PASD1: variants seen among roughly 807,000 people sequenced by gnomAD.
PASD1 encodes circadian clock protein PASD1.
Under a neutral mutation model 58.8 loss-of-function variants are expected in PASD1, and 13 were observed. That is an observed-to-expected ratio of 0.22 (90% CI 0.14 to 0.35). The LOEUF (loss-of-function observed/expected upper bound fraction) is 0.35. PASD1 is among the 10% of genes least tolerant of loss of function. The pLI is 1.00. For missense variants in PASD1, 734 were observed against 568.3 expected, an observed-to-expected ratio of 1.29 and a Z score of -2.96; for synonymous variants, 236 against 216.7, an observed-to-expected ratio of 1.09 and a Z score of -0.78.
intron 1 of PASD1, among the ~76,000 whole-genome samples, chrX:151,571,532 T>C (rs2012927869): frequency 8.9e-6 from 1 of 111,903 alleles, no homozygotes; most frequent in Non-Finnish European, 1.9e-5. Flanking sequence ...ATTTCAAATA[T>C]TCTCTGTGAA....
chrX:151,575,176 A>G (rs544797358), intron 1 of PASD1, among the ~76,000 whole-genome samples: 4 of 101,468 alleles, frequency 3.9e-5, no homozygotes, highest in South Asian at 9.2e-4. Flanking sequence ...AAGACATTTG[A>G]CTTCGTGCAA....
chrX:151,617,331 C>G (rs185126886), intron 4 of PASD1, among the ~76,000 whole-genome samples: 2 of 111,366 alleles, frequency 1.8e-5, no homozygotes, highest in Non-Finnish European at 3.8e-5. Flanking sequence ...AATTATAAGG[C>G]TTATTGTCAC....
chrX:151,657,367 G>T (rs1485724837), intron 9 of PASD1, among the ~76,000 whole-genome samples: 1 of 111,640 alleles, frequency 9.0e-6, no homozygotes, highest in Non-Finnish European at 1.9e-5. Flanking sequence ...GATGATGCTG[G>T]GCTCATAAAA....
Position 151,671,760 on chromosome X carries a change from C to T in PASD1, c.1418C>T (p.Pro473Leu), listed in dbSNP as rs1016572848. 1.3e-5 allele frequency: 16 copies of T among 1,206,142 alleles called. No homozygotes were observed. Among genetic ancestry groups the T allele is most frequent in the Non-Finnish European group, 1.7e-5 (15 of 890,284 alleles). Residue 473 changes from proline to leucine, a missense_variant, in exon 13 of 16, where the codon CCT becomes CTT. By Grantham distance (98) the Pro-to-Leu change is moderately conservative. Coordinates refer to ENST00000370357, the MANE Select transcript of PASD1 (RefSeq NM_173493.3). ...SLKNTGELQE[P>L]CVAFNQQQLV... is the part of the protein sequence containing the mutation. The stretch of plus-strand genomic sequence containing the variant: ...AAAAACACTGGGGAGCTTCAGGAGC[C>T]TTGTGTTGCCTTCAACCAGGTATGG...
chrX:151,672,201 G>C lies in PASD1; in HGVS notation c.1456G>C (p.Glu486Gln). 8.6e-7 allele frequency: 1 copy of C among 1,157,318 alleles called. No homozygotes were observed. Among genetic ancestry groups the C allele is most frequent in the African/African-American group, 1.8e-5 (1 of 55,413 alleles). The change falls in exon 14 of 16, where the codon GAA (glutamate) becomes CAA (glutamine). Residue 486 changes from glutamate to glutamine, a missense_variant. Physicochemically the swap from Glu to Gln is conservative, Grantham distance 29. Coordinates refer to ENST00000370357, the MANE Select transcript of PASD1 (RefSeq NM_173493.3). ...GATGCAGCAGCAACTGGTGCAGCAA[G>C]AACAACACCTGAAGGAGCAGCAGCG... ...AFNQQQLVQQ[E>Q]QHLKEQQRQL...
chrX:151,608,639 G>A (rs768012681), intron 3 of PASD1, among the ~76,000 whole-genome samples: 10 of 111,103 alleles, frequency 9.0e-5, no homozygotes, highest in Non-Finnish European at 1.7e-4. Flanking sequence ...AAGCTTTAAC[G>A]TTTTATCTAT....
chrX:151,638,505 G>C (rs775553606), intron 8 of PASD1, among the ~76,000 whole-genome samples: 211 of 110,248 alleles, frequency 1.9e-3, no homozygotes, highest in Non-Finnish European at 3.4e-3. Flanking sequence ...ATCAGGCATG[G>C]TTCAGAGTAT....
At chrX:151,667,686 G>C (rs1199071166) in intron 11 of PASD1, among the ~76,000 whole-genome samples, 1 of 111,748 alleles carries the variant, frequency 8.9e-6, no homozygotes, top group Non-Finnish European at 1.9e-5. Context: ...AGATAAGATG[G>C]TTGTAGATAT....
At chrX:151,572,837 A>G (rs2012945117) in intron 1 of PASD1, among the ~76,000 whole-genome samples, 1 of 107,534 alleles carries the variant, frequency 9.3e-6, no homozygotes, top group African/African-American at 3.4e-5. Context: ...GCATTGCTAC[A>G]AAGAAATGCC....
intron 1 of PASD1, among the ~76,000 whole-genome samples, chrX:151,573,823 T>C (rs965927098): frequency 9.0e-6 from 1 of 111,692 alleles, no homozygotes; most frequent in African/African-American, 3.3e-5. Context: ...TGGGTTGTAT[T>C]GTAGAGAGCC....
In PASD1 at chrX:151,648,670, G is replaced by T. The variant is rs775843074; in HGVS notation, c.685G>T (p.Ala229Ser). 1 of 1,127,441 alleles carries T rather than the reference G, an allele frequency of 8.9e-7. No homozygotes were observed. Among genetic ancestry groups the T allele is most frequent in the Non-Finnish European group, 1.2e-6 (1 of 837,634 alleles). The allele number at this position is 1,127,441 out of a possible 1,213,427, so 92.9% of individuals were successfully genotyped here. A position where few individuals can be genotyped will look rare whatever the true frequency, so the allele number is the denominator to read the frequency against. Reference protein sequence around the residue: ...TSMKAVYVEPAAAAAAAAISD... With the variant: ...TSMKAVYVEPSAAAAAAAISD... ...CATGAAAGCCGTGTACGTTGAACCC[G>T]CTGCTGCTGCTGCTGCTGCTGCTAT... The change falls in exon 9 of 16, where the codon GCT becomes TCT. Residue 229 changes from alanine (A) to serine (S), a missense_variant. Coordinates refer to ENST00000370357, the MANE Select transcript of PASD1 (RefSeq NM_173493.3).
chrX:151,663,917 A>G (rs1239871514), intron 10 of PASD1, among the ~76,000 whole-genome samples: 1 of 112,279 alleles, frequency 8.9e-6, no homozygotes, highest in East Asian at 2.8e-4. Context: ...GCTGGAGGGT[A>G]GGCAGTGGTA....
intron 4 of PASD1, among the ~76,000 whole-genome samples, chrX:151,613,911 T>C (rs1406918935): frequency 9.0e-6 from 1 of 111,475 alleles, no homozygotes; most frequent in Non-Finnish European, 1.9e-5. Flanking sequence ...ATTTGGTGTC[T>C]AGTGAGGGCC....
intron 8 of PASD1, among the ~76,000 whole-genome samples, chrX:151,643,805 T>C (rs1482406606): frequency 1.8e-5 from 2 of 111,763 alleles, no homozygotes; most frequent in Admixed American, 9.5e-5. Context: ...GTTATTCATG[T>C]TATAAAGCTT....
intron 8 of PASD1, among the ~76,000 whole-genome samples, chrX:151,644,578 G>C (rs2014036108): frequency 1.8e-5 from 2 of 111,669 alleles, no homozygotes; most frequent in African/African-American, 6.5e-5. Context: ...CAATTGTAAA[G>C]CAAATTACAG....
chrX:151,673,832 C>A, intron 14 of PASD1, 96 bp from the exon 15 acceptor site: 1 of 1,080,235 alleles, frequency 9.3e-7, no homozygotes, highest in South Asian at 2.1e-5. Context: ...CCACCAAAAC[C>A]AAATGTGCCT....
chrX:151,585,613 A>C (rs960381221), intron 1 of PASD1, among the ~76,000 whole-genome samples: 1 of 111,345 alleles, frequency 9.0e-6, no homozygotes, highest in Non-Finnish European at 1.9e-5. Flanking sequence ...GTGATAGTAC[A>C]GAGATGGGAT....
intron 15 of PASD1, among the ~76,000 whole-genome samples, chrX:151,675,392 G>C (rs2014531843): frequency 8.9e-6 from 1 of 111,775 alleles, no homozygotes; most frequent in African/African-American, 3.3e-5. Context: ...CCAGCTGTCT[G>C]TCCAGAGCCC....
At chrX:151,667,301 A>G (rs2014396363) in intron 11 of PASD1, among the ~76,000 whole-genome samples, 1 of 111,692 alleles carries the variant, frequency 9.0e-6, no homozygotes, top group Admixed American at 9.5e-5. Flanking sequence ...AGATGAGTAG[A>G]TTGCAAAAAT....
Sources: allele counts gnomAD v4.1 joint callset (sites outside exome capture counted in the v4.1 genomes callset), GRCh38; gene constraint gnomAD v4.1.1; transcripts MANE v1.5; gene names NCBI Gene and HGNC (gene_info 2026-07-23, HGNC 2026-07-21).